The following PCDH9 variants were observed in gnomAD, a reference collection of about 807,000 sequenced individuals.
PCDH9 encodes the protein protocadherin-9.
Under a neutral mutation model 70.6 loss-of-function variants are expected in PCDH9, and 24 were observed. That is an observed-to-expected ratio of 0.34 (90% CI 0.25 to 0.48). The LOEUF is 0.48. PCDH9 is among the 20% of genes least tolerant of loss of function. The pLI is 0.99. For missense variants in PCDH9, 1,281 were observed against 1,503.6 expected, an observed-to-expected ratio of 0.85 and a Z score of 2.45; for synonymous variants, 562 against 558.5, an observed-to-expected ratio of 1.01 and a Z score of -0.09.
At chr13:66,700,499 T>C (rs9571631) in intron 3 of PCDH9, among the ~76,000 whole-genome samples, 43,465 of 152,008 alleles carry the variant, frequency 0.29, 7,718 homozygotes, top group East Asian at 0.51. Context: ...CTGAGCCTAT[T>C]ACAACTTCTG....
chr13:66,477,260 G>A (rs1051974751), intron 4 of PCDH9, among the ~76,000 whole-genome samples: 3 of 151,928 alleles, frequency 2.0e-5, no homozygotes, highest in African/African-American at 7.3e-5. Context: ...ATATGGCTTG[G>A]GCAACTTATT....
chr13:66,907,375 C>T (rs1196314158), intron 2 of PCDH9, among the ~76,000 whole-genome samples: 1 of 152,078 alleles, frequency 6.6e-6, no homozygotes. Flanking sequence ...AAGTCTAAAG[C>T]TCAATAACAA....
intron 2 of PCDH9, among the ~76,000 whole-genome samples, chr13:66,963,017 A>T (rs142524781): frequency 1.5e-3 from 225 of 152,238 alleles, no homozygotes; most frequent in African/African-American, 5.1e-3. Context: ...AGATAGTGAC[A>T]GATCATCAGG....
At chr13:66,805,535 T>G (rs2080396169) in intron 3 of PCDH9, among the ~76,000 whole-genome samples, 1 of 152,172 alleles carries the variant, frequency 6.6e-6, no homozygotes, top group Non-Finnish European at 1.5e-5. Context: ...TGATATACTT[T>G]AATCCCCTTA....
At chr13:66,796,721 G>A (rs1373305963) in intron 3 of PCDH9, among the ~76,000 whole-genome samples, 1 of 152,030 alleles carries the variant, frequency 6.6e-6, no homozygotes, top group African/African-American at 2.4e-5. Context: ...GAATAAAATA[G>A]TTCTTGCCTT....
At chr13:66,521,252 T>C (rs534120724) in intron 4 of PCDH9, among the ~76,000 whole-genome samples, 1 of 152,292 alleles carries the variant, frequency 6.6e-6, no homozygotes, top group Non-Finnish European at 1.5e-5. Context: ...TTTCCATGTG[T>C]TGAGTAATGT....
chr13:66,825,034 T>C (rs549931658), intron 3 of PCDH9: 2 of 151,976 alleles, frequency 1.3e-5, no homozygotes, highest in Admixed American at 1.3e-4. Flanking sequence ...AGGTTTAAGA[T>C]GTCCGTATTG....
chr13:66,479,842 T>C (rs538481596), intron 4 of PCDH9, among the ~76,000 whole-genome samples: 1 of 152,230 alleles, frequency 6.6e-6, no homozygotes, highest in African/African-American at 2.4e-5. Flanking sequence ...CAATCAGTGC[T>C]CTGTAAAATA....
chr13:66,779,873 A>AAATATATGTGTG (rs1555268249), intron 3 of PCDH9, among the ~76,000 whole-genome samples: 3 of 115,852 alleles, frequency 2.6e-5, no homozygotes, highest in Admixed American at 9.8e-5. Flanking sequence ...ATATACATAT[A>AAATATATGTGTG]TGTGTGTGTG....
chr13:66,888,381 A>T (rs374166997), intron 3 of PCDH9, among the ~76,000 whole-genome samples: 2 of 152,006 alleles, frequency 1.3e-5, no homozygotes, highest in South Asian at 2.1e-4. Flanking sequence ...ACAAACTTGC[A>T]GTCCCAGCTA....
At chr13:66,785,028 C>T (rs1039464315) in intron 3 of PCDH9, among the ~76,000 whole-genome samples, 5 of 151,872 alleles carry the variant, frequency 3.3e-5, no homozygotes, top group African/African-American at 1.2e-4. Context: ...AGTTATAAAC[C>T]TAACACATGT....
chr13:67,207,171 C>T (rs1373304386), intron 2 of PCDH9: 1 of 148,686 alleles, frequency 6.7e-6, no homozygotes, highest in African/African-American at 2.5e-5. Context: ...TTAAATTAGA[C>T]TTCGGTGATT....
intron 3 of PCDH9, among the ~76,000 whole-genome samples, chr13:66,751,163 T>C (rs140173118): frequency 6.6e-6 from 1 of 152,268 alleles, no homozygotes; most frequent in East Asian, 1.9e-4. Context: ...CATAACAACA[T>C]ACGTACCTTG....
intron 4 of PCDH9, among the ~76,000 whole-genome samples, chr13:66,523,370 G>A (rs1330070489): frequency 6.6e-6 from 1 of 151,984 alleles, no homozygotes; most frequent in Non-Finnish European, 1.5e-5. Context: ...CAGAGCTTGA[G>A]AAATTTGCTC....
intron 3 of PCDH9, among the ~76,000 whole-genome samples, chr13:66,738,683 T>C (rs1283244176): frequency 1.4e-5 from 2 of 147,992 alleles, no homozygotes; most frequent in Admixed American, 1.4e-4. Context: ...GCTCGAGAAC[T>C]ACGTGAAGAA....
At chr13:66,866,112 T>C (rs1321893669) in intron 3 of PCDH9, among the ~76,000 whole-genome samples, 1 of 152,298 alleles carries the variant, frequency 6.6e-6, no homozygotes, top group South Asian at 2.1e-4. Context: ...GCACACAATA[T>C]TTGTTGAATC....
rs367837994 is a variant in PCDH9 at position 66,356,186 on chromosome 13, T to G, written c.3341-51158A>C. Among the ~76,000 whole-genome samples, 32 of 152,246 alleles carry G rather than the reference T, an allele frequency of 2.1e-4. No homozygotes were observed. In the South Asian group the frequency reaches 6.4e-3, roughly 31 times the overall value. ...GGAGGGCTCCAATGAATTAATGATT[T>G]GAAAATACAATATGTTTGAATGGAC... On this transcript the variant is annotated intron_variant, in intron 4 of 4. Transcript: ENST00000377865.
intron 2 of PCDH9, among the ~76,000 whole-genome samples, chr13:67,162,152 A>G (rs889836672): frequency 1.3e-5 from 2 of 152,202 alleles, no homozygotes; most frequent in Admixed American, 1.3e-4. Context: ...TATTTCTTCC[A>G]TTTATTAATA....
chr13:66,766,878 G>A (rs73210210), intron 3 of PCDH9, among the ~76,000 whole-genome samples: 11,892 of 151,896 alleles, frequency 0.078, 517 homozygotes, highest in East Asian at 0.14. Context: ...ACTGTAACAT[G>A]GTGTTAGAGT....
Sources: allele counts gnomAD v4.1 joint callset (sites outside exome capture counted in the v4.1 genomes callset), GRCh38; gene constraint gnomAD v4.1.1; transcripts MANE v1.5; gene names NCBI Gene and HGNC (gene_info 2026-07-23, HGNC 2026-07-21).